The following SPAG16 variants were observed in gnomAD, a reference collection of about 807,000 sequenced individuals.
The protein encoded by SPAG16 is sperm-associated antigen 16 protein.
In SPAG16, 86 loss-of-function variants were observed where a neutral mutation model predicts 80.4. The ratio of observed to expected loss-of-function variants is 1.07; its 90% CI spans 0.90 to 1.28. The LOEUF is 1.28. SPAG16 is among the 50% of genes most tolerant of loss of function. The pLI, the probability that SPAG16 is intolerant of heterozygous loss-of-function variation, is 0.00. For missense variants in SPAG16, 870 were observed against 765.3 expected, an observed-to-expected ratio of 1.14 and a Z score of -1.61; for synonymous variants, 294 against 265.9, an observed-to-expected ratio of 1.11 and a Z score of -1.03.
At chr2:213,562,256 G>C (rs1246571948) in intron 10 of SPAG16, among the ~76,000 whole-genome samples, 2 of 152,106 alleles carry the variant, frequency 1.3e-5, no homozygotes, top group Non-Finnish European at 2.9e-5. Flanking sequence ...CTCTTCTTTT[G>C]ATTTTTGTTC....
chr2:214,326,964 A>T (rs1345671929), intron 15 of SPAG16, among the ~76,000 whole-genome samples: 1 of 151,208 alleles, frequency 6.6e-6, no homozygotes, highest in South Asian at 2.1e-4. Flanking sequence ...AAAAAAAAAA[A>T]AAAAAGTCAC....
intron 10 of SPAG16, among the ~76,000 whole-genome samples, chr2:213,692,910 A>G (rs1032003878): frequency 1.3e-5 from 2 of 152,202 alleles, no homozygotes; most frequent in African/African-American, 4.8e-5. Context: ...TTTTTAAGGA[A>G]AAAATACATT....
chr2:213,404,919 G>A (rs2068530788), intron 9 of SPAG16, among the ~76,000 whole-genome samples: 1 of 151,720 alleles, frequency 6.6e-6, no homozygotes, highest in African/African-American at 2.4e-5. Flanking sequence ...CCATTTCTAG[G>A]ATTATGCTTC....
chr2:214,340,570 G>T (rs1310066091), intron 15 of SPAG16, among the ~76,000 whole-genome samples: 1 of 152,172 alleles, frequency 6.6e-6, no homozygotes, highest in Non-Finnish European at 1.5e-5. Flanking sequence ...TGGGCCGTGG[G>T]TGAACTGCGC....
At chr2:213,523,616 G>A (rs890389873) in intron 10 of SPAG16, among the ~76,000 whole-genome samples, 2 of 152,292 alleles carry the variant, frequency 1.3e-5, no homozygotes, top group South Asian at 4.1e-4. Context: ...GGGAAAGTTT[G>A]GAACTTCCTA....
At chr2:214,355,334 AAAAC>A (rs1285291267) in intron 15 of SPAG16, among the ~76,000 whole-genome samples, 207 of 133,270 alleles carry the variant, frequency 1.6e-3, no homozygotes, top group African/African-American at 5.0e-3. Flanking sequence ...AGAAAAAAAA[AAAAC>A]AACCCCATCA....
intron 11 of SPAG16, among the ~76,000 whole-genome samples, chr2:213,881,517 G>T (rs2076343769): frequency 6.6e-6 from 1 of 152,188 alleles, no homozygotes; most frequent in African/African-American, 2.4e-5. Flanking sequence ...AAAGGAAAGA[G>T]ATTTAATTGA....
At chr2:213,562,146 G>A (rs986655655) in intron 10 of SPAG16, among the ~76,000 whole-genome samples, 3 of 152,158 alleles carry the variant, frequency 2.0e-5, no homozygotes, top group Non-Finnish European at 4.4e-5. Flanking sequence ...TCTGCAAATA[G>A]AAGACATTTT....
At chr2:213,927,492 T>C (rs1159343229) in intron 11 of SPAG16, among the ~76,000 whole-genome samples, 1 of 152,230 alleles carries the variant, frequency 6.6e-6, no homozygotes, top group East Asian at 1.9e-4. Context: ...CAGTTTTCCA[T>C]ATTTCAGGCC....
rs2061748684 is a variant in SPAG16 at position 213,620,627 on chromosome 2, T to A, written c.1070+130537T>A. On this transcript the variant is annotated intron_variant, in intron 10 of 15. Transcript: ENST00000331683. ...TTTTCAAAAAGCTAGAAGAGATGAT[T>A]TTGAATGTTCCCAACATAAAGGTTT... is the stretch of plus-strand genomic sequence containing the variant. Among the ~76,000 whole-genome samples, 3 of 152,052 alleles carry A rather than the reference T, an allele frequency of 2.0e-5. No homozygotes were observed. The South Asian group carries it at 6.2e-4, about 32-fold the overall frequency.
intron 15 of SPAG16, among the ~76,000 whole-genome samples, chr2:214,325,525 A>G (rs1696412320): frequency 6.6e-6 from 1 of 152,174 alleles, no homozygotes; most frequent in Admixed American, 6.5e-5. Context: ...GTAATGGGGC[A>G]TCATTTGGAG....
rs946934688 is a variant in SPAG16 at position 213,807,103 on chromosome 2, A to T, written c.1071-55382A>T. On this transcript the variant is annotated intron_variant, in intron 10 of 15. Transcript: ENST00000331683. ...TATGACAAAGAAAATAGTTTTATCC[A>T]GTAAATTTGACTCTTCTTTACCAAC... is the stretch of plus-strand genomic sequence containing the variant. 9.9e-5 allele frequency among the ~76,000 whole-genome samples: 15 copies of T among 152,180 alleles called. 1 individual carries two copies. The highest frequency in any genetic ancestry group is 2.2e-4 in the Non-Finnish European group (15 of 68,006).
At chr2:213,721,592 G>C (rs1027479117) in intron 10 of SPAG16, among the ~76,000 whole-genome samples, 1 of 151,984 alleles carries the variant, frequency 6.6e-6, no homozygotes, top group Non-Finnish European at 1.5e-5. Context: ...CTCTTTAAAC[G>C]GTAATAACCA....
intron 15 of SPAG16, among the ~76,000 whole-genome samples, chr2:214,378,999 C>T (rs563733387): frequency 6.6e-6 from 1 of 152,174 alleles, no homozygotes; most frequent in African/African-American, 2.4e-5. Flanking sequence ...GCAACGTGCC[C>T]AGCACCTTGG....
At chr2:213,327,795 G>A (rs1026946077) in intron 5 of SPAG16, among the ~76,000 whole-genome samples, 1 of 152,052 alleles carries the variant, frequency 6.6e-6, no homozygotes, top group Non-Finnish European at 1.5e-5. Flanking sequence ...ACTCCTTATT[G>A]TAGGAAGATA....
intron 15 of SPAG16, among the ~76,000 whole-genome samples, chr2:214,403,195 C>T (rs943091990): frequency 6.6e-6 from 1 of 151,612 alleles, no homozygotes; most frequent in East Asian, 1.9e-4. Flanking sequence ...TTTCCCTCTT[C>T]TGTAAAGCAG....
chr2:214,375,411 G>A (rs894280938), intron 15 of SPAG16, among the ~76,000 whole-genome samples: 3 of 151,988 alleles, frequency 2.0e-5, no homozygotes, highest in Non-Finnish European at 1.5e-5. Flanking sequence ...CGTTACCTTG[G>A]CCTTCAAATT....
intron 10 of SPAG16, among the ~76,000 whole-genome samples, chr2:213,698,501 A>G (rs1186519504): frequency 6.6e-6 from 1 of 152,160 alleles, no homozygotes; most frequent in Admixed American, 6.5e-5. Context: ...GGTTCAAGCA[A>G]TCCGCCTTCC....
intron 9 of SPAG16, among the ~76,000 whole-genome samples, chr2:213,421,854 A>G (rs944424994): frequency 2.6e-5 from 4 of 152,074 alleles, no homozygotes; most frequent in African/African-American, 9.7e-5. Flanking sequence ...ACCTGCCCGC[A>G]GAAAGGAGCT....
Sources: allele counts gnomAD v4.1 joint callset (sites outside exome capture counted in the v4.1 genomes callset), GRCh38; gene constraint gnomAD v4.1.1; transcripts MANE v1.5; gene names NCBI Gene and HGNC (gene_info 2026-07-23, HGNC 2026-07-21).